HSPA12A: variants seen among roughly 807,000 people sequenced by gnomAD.
The protein encoded by HSPA12A is heat shock protein family A (Hsp70) member 12A.
Under a neutral mutation model 69.2 loss-of-function variants are expected in HSPA12A, and 28 were observed. The ratio of observed to expected loss-of-function variants is 0.40; its 90% CI spans 0.30 to 0.55. The LOEUF is 0.55. Among genes scored for constraint, HSPA12A ranks in the 20% least tolerant of loss-of-function variants. The pLI, the probability that HSPA12A is intolerant of heterozygous loss-of-function variation, is 0.38. For missense variants in HSPA12A, 686 were observed against 900.7 expected (o/e 0.76, Z 3.05); for synonymous variants, 345 against 370.5 (o/e 0.93, Z 0.79).
At chr10:116,705,312 A>T in intron 2 of HSPA12A, 34 bp from the exon 3 acceptor site, 1 of 1,613,062 alleles carries the variant, frequency 6.2e-7, no homozygotes, top group Non-Finnish European at 8.5e-7. Context: ...GGGGGTGTGG[A>T]GGGGTGGGCC....
At chr10:116,683,139 G>A (rs1849470418) in intron 7 of HSPA12A, among the ~76,000 whole-genome samples, 1 of 152,076 alleles carries the variant, frequency 6.6e-6, no homozygotes, top group African/African-American at 2.4e-5. Context: ...GACCCTGACA[G>A]GGCGTGTCTG....
At chr10:116,719,522 A>T (rs933779018) in intron 1 of HSPA12A, among the ~76,000 whole-genome samples, 1 of 152,210 alleles carries the variant, frequency 6.6e-6, no homozygotes, top group African/African-American at 2.4e-5. Context: ...TGTAAACAAG[A>T]CAGGATCAGG....
In HSPA12A at chr10:116,681,804, G is replaced by T. The variant is rs782790743; in HGVS notation, c.909C>A (p.Ser303=). The change falls in exon 8 of 12, where the codon TCC becomes TCA. Residue 303 remains serine (S), a synonymous_variant. Transcript: ENST00000369209. The part of the protein sequence containing the change: ...LVENVIGEIW[S]ELEEGDKYVV... ...GAAGGACGCTACCTTCCTCCAGCTC[G>T]GACCAGATTTCTCCTATGACATTCT... is the stretch of plus-strand genomic sequence containing the variant. The T allele has an allele frequency of 1.9e-6, 3 of 1,613,822 alleles. No homozygotes were observed. In the Admixed American group the frequency reaches 5.0e-5, roughly 27 times the overall value.
chr10:116,706,404 C>A (rs545255619), intron 2 of HSPA12A, among the ~76,000 whole-genome samples: 74 of 152,208 alleles, frequency 4.9e-4, no homozygotes, highest in Non-Finnish European at 7.5e-4. Flanking sequence ...CCTAGGGAAC[C>A]AACCCTCCCA....
intron 2 of HSPA12A, among the ~76,000 whole-genome samples, chr10:116,755,805 C>A (rs1287814209): frequency 8.1e-6 from 1 of 123,392 alleles, no homozygotes; most frequent in African/African-American, 3.0e-5. Context: ...CCATCTCTAC[C>A]AAAAAAAAAA....
chr10:116,837,532 C>A, intron 1 of HSPA12A, among the ~76,000 whole-genome samples: 1 of 152,242 alleles, frequency 6.6e-6, no homozygotes, highest in Admixed American at 6.5e-5. Flanking sequence ...AAAAGACCAT[C>A]TATGGCAATA....
chr10:116,678,055 G>A (rs1235886537), intron 10 of HSPA12A, among the ~76,000 whole-genome samples: 2 of 151,514 alleles, frequency 1.3e-5, no homozygotes, highest in African/African-American at 4.9e-5. Context: ...TAAGTGAGCT[G>A]TAGTTCAGGG....
intron 1 of HSPA12A, among the ~76,000 whole-genome samples, chr10:116,732,854 T>C (rs1851204224): frequency 6.6e-6 from 1 of 152,122 alleles, no homozygotes; most frequent in Non-Finnish European, 1.5e-5. Context: ...GGAGTTCAGC[T>C]GGAAAGCATG....
intron 1 of HSPA12A, among the ~76,000 whole-genome samples, chr10:116,737,087 TA>T (rs1851340234): frequency 6.6e-6 from 1 of 152,216 alleles, no homozygotes; most frequent in Non-Finnish European, 1.5e-5. Flanking sequence ...AAGAGACTGT[TA>T]TAATCCATAC....
At chr10:116,799,209 C>A (rs1052351285) in intron 2 of HSPA12A, among the ~76,000 whole-genome samples, 4 of 152,182 alleles carry the variant, frequency 2.6e-5, no homozygotes, top group Admixed American at 6.5e-5. Context: ...CTTCACTACC[C>A]CTCACAGAGC....
At chr10:116,757,206 G>C (rs944391749) in intron 2 of HSPA12A, among the ~76,000 whole-genome samples, 1 of 152,188 alleles carries the variant, frequency 6.6e-6, no homozygotes, top group African/African-American at 2.4e-5. Context: ...ACCTGCAAAT[G>C]GGAGGAGGCC....
chr10:116,849,068 A>G (rs544184922), intron 1 of HSPA12A, among the ~76,000 whole-genome samples: 1 of 151,058 alleles, frequency 6.6e-6, no homozygotes, highest in East Asian at 2.0e-4. Context: ...CCCTCCCCCA[A>G]CAGAGTGGGC....
At chr10:116,808,550 T>C (rs1845113482) in intron 2 of HSPA12A, among the ~76,000 whole-genome samples, 2 of 152,096 alleles carry the variant, frequency 1.3e-5, no homozygotes, top group African/African-American at 4.8e-5. Context: ...AGTCCTGTAG[T>C]TTAGAGAACT....
At chr10:116,745,210 C>A (rs1028938352), upstream of HSPA12A, among the ~76,000 whole-genome samples, 1 of 152,222 alleles carries the variant, frequency 6.6e-6, no homozygotes, top group African/African-American at 2.4e-5. Context: ...TCTAGAACAG[C>A]GCCTGGTACA....
intron 2 of HSPA12A, among the ~76,000 whole-genome samples, chr10:116,767,358 C>G (rs532463788): frequency 6.6e-6 from 1 of 152,274 alleles, no homozygotes; most frequent in Admixed American, 6.5e-5. Flanking sequence ...TCCTGCACCC[C>G]TCCCCCACCA....
In HSPA12A at chr10:116,764,647, T is replaced by C. The variant is rs888035928; in HGVS notation, c.92-57362A>G. 5.3e-5 allele frequency among the ~76,000 whole-genome samples: 8 copies of C among 152,242 alleles called. 1 individual carries two copies. The highest frequency in any genetic ancestry group is 1.9e-4 in the African/African-American group (8 of 41,576). On this transcript the variant is annotated intron_variant, in intron 2 of 12. Coordinates refer to the HSPA12A transcript ENST00000635765. ...ATGGGGATGATGGTGAGACATCTTATGATGTCTTTTTATAGTTTTTATATC... is the reference window on the plus strand; with the variant it reads ...ATGGGGATGATGGTGAGACATCTTACGATGTCTTTTTATAGTTTTTATATC...
chr10:116,787,906 A>G (rs1402255291), intron 2 of HSPA12A, among the ~76,000 whole-genome samples: 1 of 152,144 alleles, frequency 6.6e-6, no homozygotes, highest in Non-Finnish European at 1.5e-5. Flanking sequence ...GAATCAGGTC[A>G]GACTCTGAAG....
intron 1 of HSPA12A, among the ~76,000 whole-genome samples, chr10:116,724,926 A>G (rs1051794708): frequency 6.6e-6 from 1 of 151,962 alleles, no homozygotes; most frequent in South Asian, 2.1e-4. Flanking sequence ...CTGAAGGCCA[A>G]CTCTCTGCCT....
At chr10:116,727,368 C>T (rs957931392) in intron 1 of HSPA12A, among the ~76,000 whole-genome samples, 15 of 152,280 alleles carry the variant, frequency 9.9e-5, no homozygotes, top group East Asian at 9.7e-4. Flanking sequence ...TCCAGCAGGA[C>T]GACCTGGACT....
Sources: gnomAD v4.1 joint callset for allele counts (sites outside exome capture counted in the v4.1 genomes callset) on GRCh38, gnomAD v4.1.1 for gene constraint, MANE v1.5 for transcripts, NCBI Gene and HGNC (gene_info 2026-07-23, HGNC 2026-07-21) for gene names.